The following SMPD4 variants were observed in gnomAD, a reference collection of about 807,000 sequenced individuals.
SMPD4 encodes the protein neutral sphingomyelinase 3.
In SMPD4, 58 loss-of-function variants were observed where a neutral mutation model predicts 97.8. That is an observed-to-expected ratio of 0.59 (90% confidence interval 0.48 to 0.74). SMPD4 has a LOEUF of 0.74. Among genes scored for constraint, SMPD4 ranks in the 30% least tolerant of loss-of-function variants. The probability of loss-of-function intolerance (pLI) is 0.00; values close to 1 mark genes in which losing one functional copy is unlikely to be tolerated. For missense variants in SMPD4, 853 were observed against 1,080.5 expected (o/e 0.79, Z 2.95); for synonymous variants, 388 against 450.0 (o/e 0.86, Z 1.74).
At chr2:130,161,376 G>A (rs186651070) in intron 10 of SMPD4, 104 bp from the exon 11 acceptor site, 125 of 855,658 alleles carry the variant, frequency 1.5e-4, no homozygotes, top group African/African-American at 2.5e-4. Context: ...AGGGGGAAGC[G>A]GAGAGAGAAA....
chr2:130,169,954 T>C (rs962753664), intron 8 of SMPD4, among the ~76,000 whole-genome samples: 1 of 149,872 alleles, frequency 6.7e-6, no homozygotes, highest in African/African-American at 2.5e-5. Context: ...TCCAGCTACT[T>C]GGGAAGCTGA....
intron 18 of SMPD4, 26 bp from the exon 19 acceptor site, chr2:130,153,197 G>C (rs760835570): frequency 1.2e-6 from 2 of 1,613,622 alleles, no homozygotes; most frequent in South Asian, 2.2e-5. Flanking sequence ...ATGGGGATGG[G>C]TCAGAAAACA....
At chr2:130,174,636 T>C (rs1688798086) in intron 3 of SMPD4, among the ~76,000 whole-genome samples, 2 of 152,196 alleles carry the variant, frequency 1.3e-5, no homozygotes, top group African/African-American at 4.8e-5. Flanking sequence ...TAGAAGCTAG[T>C]AGCACACACT....
At position 130,172,618 on chromosome 2, in the gene SMPD4, T is replaced by C. The variant is rs563638158; in HGVS notation, c.507+7A>G. On this transcript the variant is annotated splice_region_variant and intron_variant, in intron 7 of 19. Transcript: ENST00000680298. ...ACCTCTCCCAGCAAAAGGCATCCCT[T>C]CCTTACCTTCTGAGTGATGAGGCTC... 3.1e-6 allele frequency: 5 copies of C among 1,614,176 alleles called. No homozygotes were observed. The East Asian group carries it at 1.1e-4, about 36-fold the overall frequency.
intron 9 of SMPD4, among the ~76,000 whole-genome samples, chr2:130,165,108 TAAAAAAAAAAAAAAA>T (rs35361623): frequency 8.1e-5 from 5 of 61,914 alleles, no homozygotes; most frequent in Non-Finnish European, 9.0e-5. Context: ...GACTCTGATT[TAAAAAAAAAAAAAAA>T]AAAAAAAAAA....
chr2:130,171,223 A>G (rs1378834185), intron 8 of SMPD4, among the ~76,000 whole-genome samples: 1 of 150,970 alleles, frequency 6.6e-6, no homozygotes, highest in African/African-American at 2.4e-5. Flanking sequence ...TCCCGCCTCA[A>G]CCTCCTGAGT....
intron 10 of SMPD4, among the ~76,000 whole-genome samples, chr2:130,162,674 G>A (rs2599758): frequency 1.3e-5 from 2 of 152,210 alleles, no homozygotes; most frequent in South Asian, 4.1e-4. Flanking sequence ...GAAAATAAGG[G>A]CTAGTGGGGA....
chr2:130,178,295 G>C (rs1689161592), intron 1 of SMPD4, among the ~76,000 whole-genome samples: 1 of 152,200 alleles, frequency 6.6e-6, no homozygotes, highest in African/African-American at 2.4e-5. Context: ...CTGCAGGTCA[G>C]TACAGATGAT....
chr2:130,153,346 GAGTC>G lies in SMPD4; in HGVS notation c.1994_1997del (p.Gly665AlafsTer87), dbSNP rs1686420541. The G allele has an allele frequency of 6.2e-7, 1 of 1,613,728 alleles. No individual in the cohort carries two copies. Among genetic ancestry groups the G allele is most frequent in the Non-Finnish European group, 8.5e-7 (1 of 1,180,034 alleles). ...GGTACCGCCCCAGGGGCGTAAGGAT[GAGTC>G]CGTCCTCACCCACGATGCAGTCGGG... On this transcript the variant is annotated frameshift_variant, in exon 18 of 20. Transcript: ENST00000680298. LOFTEE classifies it high-confidence loss of function.
At chr2:130,163,416 T>C (rs961910869) in intron 10 of SMPD4, among the ~76,000 whole-genome samples, 2 of 152,222 alleles carry the variant, frequency 1.3e-5, no homozygotes, top group Non-Finnish European at 2.9e-5. Context: ...CATGGGGCCA[T>C]GGAACTGGCT....
Position 130,164,382 on chromosome 2 carries a change from G to T in SMPD4, c.856C>A (p.His286Asn), listed in dbSNP as rs760575086. Residue 286 changes from histidine (H) to asparagine (N), a missense_variant, in exon 10 of 20, where the codon CAT (histidine) becomes AAT (asparagine). Physicochemically the swap from His to Asn is moderately conservative, Grantham distance 68 (BLOSUM62 1). Around this residue, in one of 3 missense-constraint regions of SMPD4, gnomAD observed 313 missense variants for 402.2 expected, o/e 0.78. Coordinates refer to ENST00000680298, the MANE Select transcript of SMPD4 (RefSeq NM_017951.5). ...AAAAACTGAAAACATACCTTGGCAT[G>T]AGGGGACTGCATTTTTTGATACATC... The part of the protein sequence containing the change: ...LEMYQKMQSP[H>N]AKLEVLHYRL... The T allele has an allele frequency of 6.2e-7, 1 of 1,613,882 alleles. No individual in the cohort carries two copies. Among genetic ancestry groups the T allele is most frequent in the African/African-American group, 1.3e-5 (1 of 74,940 alleles).
At chr2:130,163,371 A>G (rs1418828222) in intron 10 of SMPD4, among the ~76,000 whole-genome samples, 1 of 152,012 alleles carries the variant, frequency 6.6e-6, no homozygotes, top group Non-Finnish European at 1.5e-5. Context: ...GATTTGGGGG[A>G]CCCTATGCTC....
At chr2:130,178,191 TAATA>T (rs1442355088) in intron 1 of SMPD4, among the ~76,000 whole-genome samples, 1 of 151,444 alleles carries the variant, frequency 6.6e-6, no homozygotes, top group East Asian at 1.9e-4. Flanking sequence ...AACTATGAGA[TAATA>T]AATGGATGCC....
At chr2:130,181,282 C>T (rs1689587090) in intron 1 of SMPD4, 1 of 1,394,242 alleles carries the variant, frequency 7.2e-7, no homozygotes, top group Admixed American at 3.0e-5. Flanking sequence ...GGTTAACCTT[C>T]AGCGAACACC....
rs375442627 is a variant in SMPD4, at chr2:130,153,929, G to T, written c.1666C>A (p.Arg556Ser). ...FGPEARTLVL[R>S]LAQLITQAKH... ...GCCTGTGTGATGAGCTGAGCGAGGC[G>T]CAGGACCTGCAAGGGAGGCGCGGGC... Residue 556 changes from arginine to serine, a missense_variant, in exon 17 of 20, where the codon CGC becomes AGC. This residue lies in a region of SMPD4 where 511 missense variants were observed against 608.1 expected (regional missense o/e 0.84). Transcript: ENST00000680298. The T allele has an allele frequency of 6.2e-7, 1 of 1,613,116 alleles. No individual in the cohort carries two copies. Among genetic ancestry groups the T allele is most frequent in the East Asian group, 2.2e-5 (1 of 44,876 alleles).
chr2:130,176,191 A>C (rs964167347), intron 2 of SMPD4, among the ~76,000 whole-genome samples: 3 of 152,182 alleles, frequency 2.0e-5, no homozygotes, highest in African/African-American at 7.2e-5. Context: ...TCCATTTTTC[A>C]CTGATGACAG....
At chr2:130,170,491 T>C (rs1178094793) in intron 8 of SMPD4, among the ~76,000 whole-genome samples, 2 of 135,082 alleles carry the variant, frequency 1.5e-5, no homozygotes, top group East Asian at 2.2e-4. Context: ...AATGGACCAG[T>C]GTAGTGGTTC....
intron 9 of SMPD4, among the ~76,000 whole-genome samples, chr2:130,166,114 G>A (rs1296816426): frequency 6.6e-6 from 1 of 151,976 alleles, no homozygotes; most frequent in Admixed American, 6.6e-5. Context: ...TTGATGTCAG[G>A]AGTTCGAGAC....
At chr2:130,168,069 G>A (rs1456924736) in intron 8 of SMPD4, among the ~76,000 whole-genome samples, 1 of 152,280 alleles carries the variant, frequency 6.6e-6, no homozygotes. Context: ...AGCTGGGCCT[G>A]GTGGCATGTG....
Sources: gnomAD v4.1 joint callset for allele counts (sites outside exome capture counted in the v4.1 genomes callset) on GRCh38, gnomAD v4.1.1 for gene constraint, gnomAD v4.1.1 regional missense constraint, MANE v1.5 for transcripts, NCBI Gene and HGNC (gene_info 2026-07-23, HGNC 2026-07-21) for gene names.